The following OR5D14 variants were observed in gnomAD, a reference collection of about 807,000 sequenced individuals.
OR5D14 encodes olfactory receptor 5D14.
For synonymous variants in OR5D14, 187 were observed against 138.2 expected, an observed-to-expected ratio of 1.35 and a Z score of -2.48; for missense variants, 466 against 375.5, an observed-to-expected ratio of 1.24 and a Z score of -1.99.
In OR5D14 at chr11:55,796,399, G is replaced by T. The variant is rs201788922; in HGVS notation, c.844G>T (p.Val282Phe). 1.5e-4 allele frequency: 239 copies of T among 1,613,656 alleles called. No individual in the cohort carries two copies. The highest frequency in any genetic ancestry group is 1.7e-4 in the Non-Finnish European group (203 of 1,179,882). The change falls in exon 1 of 1, where the codon GTT becomes TTT. Residue 282 changes from valine to phenylalanine, a missense_variant. Physicochemically the swap from Val to Phe is conservative, Grantham distance 50. Coordinates refer to ENST00000335605, the MANE Select transcript of OR5D14 (RefSeq NM_001004735.1). ...TVKVASVFYT[V>F]VNPMLNPLIY... ...CAAAGTGGCCTCTGTATTTTACACA[G>T]TTGTCAACCCCATGCTGAACCCTCT...
rs767272220 is a variant in OR5D14 at position 55,795,986 on chromosome 11, C to T, written c.431C>T (p.Ala144Val). The change falls in exon 1 of 1, where the codon GCC becomes GTC. Residue 144 changes from alanine (A) to valine (V), a missense_variant. Ala to Val is a moderately conservative substitution (Grantham distance 64). Coordinates refer to ENST00000335605, the MANE Select transcript of OR5D14 (RefSeq NM_001004735.1). ...GTGGCCATGTCACAGAGGCTCTGTGCCCTGCTGGTGGCTGGGTCATATCTC... is the reference window on the plus strand; with the variant it reads ...GTGGCCATGTCACAGAGGCTCTGTGTCCTGCTGGTGGCTGGGTCATATCTC... The part of the protein sequence containing the change: ...YTVAMSQRLC[A>V]LLVAGSYLWG... The T allele has an allele frequency of 1.2e-6, 2 of 1,613,856 alleles. No homozygotes were observed. Among genetic ancestry groups the T allele is most frequent in the Non-Finnish European group, 1.7e-6 (2 of 1,179,966 alleles).
In OR5D14 at chr11:55,795,741, CTTT is replaced by C; in HGVS notation, c.189_191del (p.Phe64del). On this transcript the variant is annotated inframe_deletion, in exon 1 of 1. Transcript: ENST00000335605. Reference sequence around the variant, plus strand: ...ACCCCAAATTTCACACTCCTATGTACTTTTTCCTTAGTCACCTCTCTTTTGTTG... The same window carrying C: ...ACCCCAAATTTCACACTCCTATGTACTTCCTTAGTCACCTCTCTTTTGTTG... The C allele has an allele frequency of 6.2e-7, 1 of 1,613,296 alleles. No individual in the cohort carries two copies. Among genetic ancestry groups the C allele is most frequent in the Non-Finnish European group, 8.5e-7 (1 of 1,179,554 alleles).
rs145838163 is a variant in OR5D14 at position 55,796,316 on chromosome 11, A to G, written c.761A>G (p.His254Arg). The change falls in exon 1 of 1, where the codon CAT becomes CGT. Residue 254 changes from histidine (H) to arginine (R), a missense_variant. By Grantham distance (29) the His-to-Arg change is conservative. Coordinates refer to ENST00000335605, the MANE Select transcript of OR5D14 (RefSeq NM_001004735.1). ...CACCTGACTTCTATCACCATCTTCC[A>G]TGGGACCATCCTTTTCCTTTACTGT... ...ASHLTSITIF[H>R]GTILFLYCVP... The G allele has an allele frequency of 8.1e-5, 131 of 1,613,878 alleles. 1 individual carries two copies. The highest frequency in any genetic ancestry group is 3.6e-4 in the South Asian group (33 of 91,084).
rs1435487761 is a variant in OR5D14 at position 55,795,945 on chromosome 11, T to C, written c.390T>C (p.Asn130=). 8 of 1,613,884 alleles carry C rather than the reference T, an allele frequency of 5.0e-6. No homozygotes were observed. The highest frequency in any genetic ancestry group is 1.7e-4 in the Middle Eastern group (1 of 6,058). ...MAYDRFVAIC[N]PLLYTVAMSQ... ...ATGACCGCTTTGTGGCCATCTGCAA[T>C]CCTCTGCTTTATACAGTGGCCATGT... The change falls in exon 1 of 1, where the codon AAT becomes AAC. Residue 130 remains asparagine, a synonymous_variant. Transcript: ENST00000335605.
At position 55,795,731 on chromosome 11, in the gene OR5D14, C is replaced by A. The variant is rs759737464; in HGVS notation, c.176C>A (p.Thr59Asn). The A allele has an allele frequency of 3.1e-6, 5 of 1,613,302 alleles. No individual in the cohort carries two copies. The South Asian group carries it at 5.5e-5, about 18-fold the overall frequency. ...IIIKINPKFH[T>N]PMYFFLSHLS... ...ATCAAGATTAACCCCAAATTTCACA[C>A]TCCTATGTACTTTTTCCTTAGTCAC... The change falls in exon 1 of 1, where the codon ACT becomes AAT. Residue 59 changes from threonine (T) to asparagine (N), a missense_variant. Thr to Asn is a moderately conservative substitution (Grantham distance 65). Coordinates refer to ENST00000335605, the MANE Select transcript of OR5D14 (RefSeq NM_001004735.1).
In OR5D14 at chr11:55,796,483, C is replaced by T; in HGVS notation, c.928C>T (p.Gln310Ter). The T allele has an allele frequency of 6.3e-7, 1 of 1,597,958 alleles. No individual in the cohort carries two copies. The change falls in exon 1 of 1, where the codon CAA becomes TAA. Residue 310 changes from glutamine to a stop codon, truncating the protein, a stop_gained. Transcript: ENST00000335605. LOFTEE classifies it high-confidence loss of function. ...TGCTTTCTGGAAGTTAATACATACA[C>T]AAGTTCCATTTCACTGAACCAGTCT... ...KDAFWKLIHT[Q>*]VPFH is the part of the protein sequence containing the mutation.
rs1284703770 is a variant in OR5D14 at position 55,795,786 on chromosome 11, C to T, written c.231C>T (p.Ser77=). Residue 77 remains serine (S), a synonymous_variant, in exon 1 of 1, where the codon TCC becomes TCT. Transcript: ENST00000335605. Reference sequence around the variant, plus strand: ...CTTTTGTTGATTTTTGTTACTCTTCCATTGTCACTCCCAAGCTGCTTGAGA... The same window carrying T: ...CTTTTGTTGATTTTTGTTACTCTTCTATTGTCACTCCCAAGCTGCTTGAGA... ...HLSFVDFCYS[S]IVTPKLLENL... 2.5e-6 allele frequency: 4 copies of T among 1,613,394 alleles called. No individual in the cohort carries two copies. Among genetic ancestry groups the T allele is most frequent in the Non-Finnish European group, 2.5e-6 (3 of 1,179,562 alleles).
In OR5D14 at chr11:55,796,156, C is replaced by T. The variant is rs996516029; in HGVS notation, c.601C>T (p.Leu201Phe). 9.9e-6 allele frequency: 16 copies of T among 1,613,786 alleles called. No homozygotes were observed. Among genetic ancestry groups the T allele is most frequent in the Non-Finnish European group, 1.4e-5 (16 of 1,179,942 alleles). Residue 201 changes from leucine (L) to phenylalanine (F), a missense_variant, in exon 1 of 1, where the codon CTT becomes TTT. Physicochemically the swap from Leu to Phe is conservative, Grantham distance 22. Transcript: ENST00000335605. The stretch of plus-strand genomic sequence containing the variant: ...TGATATACTCATCCCCCACCTGCTG[C>T]TTTTCAGCTTCGCCACCTTCAATGA... ...GSDILIPHLLLFSFATFNEMC... is the reference protein window; with the variant it reads ...GSDILIPHLLFFSFATFNEMC...
chr11:55,795,679 G>T lies in OR5D14; in HGVS notation c.124G>T (p.Val42Leu). The T allele has an allele frequency of 6.2e-7, 1 of 1,612,002 alleles. No individual in the cohort carries two copies. The highest frequency in any genetic ancestry group is 8.5e-7 in the Non-Finnish European group (1 of 1,178,626). ...TCTGCTCATGTATGTTATCACAGTG[G>T]TAGGAAACCTTGGGATGATCATAAT... Reference protein sequence around the residue: ...VFLLMYVITVVGNLGMIIIIK... With the variant: ...VFLLMYVITVLGNLGMIIIIK... Residue 42 changes from valine (V) to leucine (L), a missense_variant, in exon 1 of 1, where the codon GTA (valine) becomes TTA (leucine). Transcript: ENST00000335605.
rs775723850 is a variant in OR5D14 at position 55,795,834 on chromosome 11, C to G, written c.279C>G (p.Ser93Arg). The G allele has an allele frequency of 6.2e-7, 1 of 1,613,930 alleles. No individual in the cohort carries two copies. The highest frequency in any genetic ancestry group is 8.5e-7 in the Non-Finnish European group (1 of 1,179,948). Residue 93 changes from serine (S) to arginine (R), a missense_variant, in exon 1 of 1, where the codon AGC (serine) becomes AGG (arginine). Physicochemically the swap from Ser to Arg is moderately radical, Grantham distance 110. Coordinates refer to ENST00000335605, the MANE Select transcript of OR5D14 (RefSeq NM_001004735.1). ...AGAACTTGGTAATGGCAGATAAAAG[C>G]ATCTTCTACTTTAGCTGCATGATGC... ...LLENLVMADK[S>R]IFYFSCMMQY...
rs926848541 is a variant in OR5D14, at chr11:55,796,024, G to A, written c.469G>A (p.Gly157Ser). Residue 157 changes from glycine (G) to serine (S), a missense_variant, in exon 1 of 1, where the codon GGC (glycine) becomes AGC (serine). Physicochemically the swap from Gly to Ser is moderately conservative, Grantham distance 56. Transcript: ENST00000335605. ...VAGSYLWGMF[G>S]PLVLLCYALR... ...TGGGTCATATCTCTGGGGCATGTTT[G>A]GCCCCTTGGTACTCCTTTGTTATGC... is the stretch of plus-strand genomic sequence containing the variant. 3 of 1,613,758 alleles carry A rather than the reference G, an allele frequency of 1.9e-6. No homozygotes were observed. Among genetic ancestry groups the A allele is most frequent in the Non-Finnish European group, 2.5e-6 (3 of 1,179,912 alleles).
chr11:55,796,065 C>A lies in OR5D14; in HGVS notation c.510C>A (p.Phe170Leu), dbSNP rs1446742388. 4.3e-6 allele frequency: 7 copies of A among 1,613,834 alleles called. No homozygotes were observed. Among genetic ancestry groups the A allele is most frequent in the Non-Finnish European group, 5.9e-6 (7 of 1,180,030 alleles). ...TTTGTTATGCTCTCCGGTTAAACTT[C>A]TCTGGACCTAATGTAATCAACCACT... ...VLLCYALRLNFSGPNVINHFF... is the reference protein window; with the variant it reads ...VLLCYALRLNLSGPNVINHFF... Residue 170 changes from phenylalanine (F) to leucine (L), a missense_variant, in exon 1 of 1, where the codon TTC becomes TTA. Coordinates refer to ENST00000335605, the MANE Select transcript of OR5D14 (RefSeq NM_001004735.1).
rs749031307 is a variant in OR5D14 at position 55,796,120 on chromosome 11, G to A, written c.565G>A (p.Val189Met). The change falls in exon 1 of 1, where the codon GTG (valine) becomes ATG (methionine). Residue 189 changes from valine (V) to methionine (M), a missense_variant. Coordinates refer to ENST00000335605, the MANE Select transcript of OR5D14 (RefSeq NM_001004735.1). ...TTGTGAGTATACTGCTCTCATCTCT[G>A]TGTCTGGCTCTGATATACTCATCCC... ...FFCEYTALIS[V>M]SGSDILIPHL... 1.2e-6 allele frequency: 2 copies of A among 1,613,848 alleles called. No homozygotes were observed. The highest frequency in any genetic ancestry group is 8.5e-7 in the Non-Finnish European group (1 of 1,179,962).
chr11:55,796,078 G>A lies in OR5D14; in HGVS notation c.523G>A (p.Val175Ile). 1 of 1,613,936 alleles carries A rather than the reference G, an allele frequency of 6.2e-7. No individual in the cohort carries two copies. The highest frequency in any genetic ancestry group is 1.1e-5 in the South Asian group (1 of 91,082). Residue 175 changes from valine to isoleucine, a missense_variant, in exon 1 of 1, where the codon GTA becomes ATA. Physicochemically the swap from Val to Ile is conservative, Grantham distance 29. Coordinates refer to ENST00000335605, the MANE Select transcript of OR5D14 (RefSeq NM_001004735.1). Reference protein sequence around the residue: ...ALRLNFSGPNVINHFFCEYTA... With the variant: ...ALRLNFSGPNIINHFFCEYTA... The stretch of plus-strand genomic sequence containing the variant: ...CCGGTTAAACTTCTCTGGACCTAAT[G>A]TAATCAACCACTTCTTTTGTGAGTA...
Position 55,796,166 on chromosome 11 carries a change from TC to T in OR5D14, c.612del (p.Phe204LeufsTer11). ...ILIPHLLLFS[F>X]ATFNEMCTLL... ...ATCCCCCACCTGCTGCTTTTCAGCTTCGCCACCTTCAATGAGATGTGTACAC... is the reference window on the plus strand; with the variant it reads ...ATCCCCCACCTGCTGCTTTTCAGCTTGCCACCTTCAATGAGATGTGTACAC... On this transcript the variant is annotated frameshift_variant, in exon 1 of 1. Coordinates refer to ENST00000335605, the MANE Select transcript of OR5D14 (RefSeq NM_001004735.1). LOFTEE classifies it low-confidence loss of function (END_TRUNC). 3.7e-6 allele frequency: 6 copies of T among 1,613,990 alleles called. No homozygotes were observed. The highest frequency in any genetic ancestry group is 5.1e-6 in the Non-Finnish European group (6 of 1,179,996).
Position 55,796,181 on chromosome 11 carries a change from A to G in OR5D14, c.626A>G (p.Glu209Gly), listed in dbSNP as rs764153211. The change falls in exon 1 of 1, where the codon GAG becomes GGG. Residue 209 changes from glutamate to glycine, a missense_variant. Transcript: ENST00000335605. ...LLLFSFATFN[E>G]MCTLLIILTS... The stretch of plus-strand genomic sequence containing the variant: ...CTTTTCAGCTTCGCCACCTTCAATG[A>G]GATGTGTACACTACTGATCATCCTC... The G allele has an allele frequency of 1.2e-6, 2 of 1,613,914 alleles. No homozygotes were observed. The highest frequency in any genetic ancestry group is 1.7e-5 in the Admixed American group (1 of 60,006).
Position 55,796,340 on chromosome 11 carries a change from G to C in OR5D14, c.785G>C (p.Cys262Ser). 1.2e-6 allele frequency: 2 copies of C among 1,613,768 alleles called. No homozygotes were observed. Among genetic ancestry groups the C allele is most frequent in the Non-Finnish European group, 1.7e-6 (2 of 1,179,952 alleles). ...CATGGGACCATCCTTTTCCTTTACT[G>C]TGTACCCAACTCCAAAAACTCTCGG... ...IFHGTILFLY[C>S]VPNSKNSRQT... The change falls in exon 1 of 1, where the codon TGT becomes TCT. Residue 262 changes from cysteine (C) to serine (S), a missense_variant. Coordinates refer to ENST00000335605, the MANE Select transcript of OR5D14 (RefSeq NM_001004735.1).
chr11:55,795,900 C>CT lies in OR5D14; in HGVS notation c.347dup (p.Leu116PhefsTer8). 6.2e-7 allele frequency: 1 copy of CT among 1,613,872 alleles called. No individual in the cohort carries two copies. Among genetic ancestry groups the CT allele is most frequent in the Non-Finnish European group, 8.5e-7 (1 of 1,179,976 alleles). ...GCACTGCTGTGGTGACAGAGTCTTT[C>CT]TTGCTGGCAGTGATGGCCTATGACC... On this transcript the variant is annotated frameshift_variant, in exon 1 of 1. Coordinates refer to ENST00000335605, the MANE Select transcript of OR5D14 (RefSeq NM_001004735.1). LOFTEE classifies it low-confidence loss of function (END_TRUNC).
rs1427698243 is a variant in OR5D14 at position 55,796,395 on chromosome 11, C to T, written c.840C>T (p.Tyr280=). 7.4e-6 allele frequency: 12 copies of T among 1,613,768 alleles called. 1 individual carries two copies. The South Asian group carries it at 1.2e-4, about 16-fold the overall frequency. ...CAGTCAAAGTGGCCTCTGTATTTTA[C>T]ACAGTTGTCAACCCCATGCTGAACC... ...RQTVKVASVF[Y]TVVNPMLNPL... The change falls in exon 1 of 1, where the codon TAC becomes TAT. Residue 280 remains tyrosine, a synonymous_variant. Transcript: ENST00000335605.
Sources: gnomAD v4.1 joint callset for allele counts on GRCh38, gnomAD v4.1.1 for gene constraint, MANE v1.5 for transcripts, NCBI Gene and HGNC (gene_info 2026-07-23, HGNC 2026-07-21) for gene names.